The following ARID1A variants were observed in gnomAD, a reference collection of about 807,000 sequenced individuals.
The protein encoded by ARID1A is AT-rich interaction domain 1A.
In ARID1A, 20 loss-of-function variants were observed where a neutral mutation model predicts 212.6. That is an observed-to-expected ratio of 0.09 (90% CI 0.07 to 0.14). The LOEUF is 0.14. Ranked by LOEUF, ARID1A falls within the 10% of genes least tolerant of loss-of-function variation. ARID1A has a pLI of 1.00. For missense variants in ARID1A, 2,587 were observed against 3,059.0 expected (o/e 0.85, Z 3.64); for synonymous variants, 1,376 against 1,222.1 (o/e 1.13, Z -2.63).
At chr1:26,702,473 C>T (rs1035084363) in intron 1 of ARID1A, among the ~76,000 whole-genome samples, 4 of 152,204 alleles carry the variant, frequency 2.6e-5, no homozygotes, top group Non-Finnish European at 4.4e-5. Flanking sequence ...CTTGACACAG[C>T]ATCTTCTATC....
chr1:26,745,280 T>C lies in ARID1A; in HGVS notation c.1920+12488T>C, dbSNP rs1432895292. Among the ~76,000 whole-genome samples the C allele has an allele frequency of 5.3e-5, 8 of 152,260 alleles. No homozygotes were observed. The East Asian group carries it at 1.5e-3, about 29-fold the overall frequency. On this transcript the variant is annotated intron_variant, in intron 4 of 19. Transcript: ENST00000324856. ...CCCTAAACCTGTGGTCCAGAATCAG[T>C]AAACTGGAATCAAGAAGCAGTAGCT... is the stretch of plus-strand genomic sequence containing the variant.
chr1:26,707,930 CT>C (rs1173157593), intron 1 of ARID1A, among the ~76,000 whole-genome samples: 5 of 152,150 alleles, frequency 3.3e-5, no homozygotes, highest in African/African-American at 1.2e-4. Context: ...AACTTTGCTT[CT>C]CCAAAATAAA....
intron 4 of ARID1A, among the ~76,000 whole-genome samples, chr1:26,748,522 C>T (rs540984782): frequency 7.2e-5 from 11 of 152,040 alleles, no homozygotes; most frequent in African/African-American, 2.7e-4. Flanking sequence ...AGTGCTCTTA[C>T]TTCCTGCTGG....
chr1:26,724,438 T>A (rs1032272226), intron 1 of ARID1A, among the ~76,000 whole-genome samples: 1 of 152,220 alleles, frequency 6.6e-6, no homozygotes, highest in Non-Finnish European at 1.5e-5. Flanking sequence ...AATAAAATTA[T>A]GAAGTTTCTC....
At chr1:26,757,570 A>G (rs1319713601) in intron 4 of ARID1A, among the ~76,000 whole-genome samples, 1 of 152,148 alleles carries the variant, frequency 6.6e-6, no homozygotes, top group African/African-American at 2.4e-5. Context: ...GCTGTGGGGA[A>G]CTTTGGTGTC....
intron 1 of ARID1A, among the ~76,000 whole-genome samples, chr1:26,706,245 C>G (rs1219472187): frequency 1.3e-5 from 2 of 152,180 alleles, no homozygotes; most frequent in African/African-American, 2.4e-5. Flanking sequence ...TTCCTCCTCC[C>G]TTGGCACTGG....
intron 4 of ARID1A, among the ~76,000 whole-genome samples, chr1:26,745,419 A>G (rs560199445): frequency 6.6e-6 from 1 of 152,354 alleles, no homozygotes; most frequent in South Asian, 2.1e-4. Context: ...TAATCTCATG[A>G]GTCAGCTTCT....
chr1:26,698,632 A>G (rs974615753), intron 1 of ARID1A, among the ~76,000 whole-genome samples: 2 of 152,224 alleles, frequency 1.3e-5, no homozygotes, highest in Admixed American at 1.3e-4. Flanking sequence ...TCAGAACAGT[A>G]GCTGAGTTTT....
At chr1:26,760,589 T>C (rs1243984735) in intron 4 of ARID1A, among the ~76,000 whole-genome samples, 1 of 151,856 alleles carries the variant, frequency 6.6e-6, no homozygotes, top group South Asian at 2.1e-4. Context: ...CTCGGGAGGC[T>C]GAGGCAGGAG....
At position 26,780,626 on chromosome 1, in the gene ARID1A, A is replaced by G. The variant is rs770921107; in HGVS notation, c.6728A>G (p.Lys2243Arg). 7 of 1,613,244 alleles carry G rather than the reference A, an allele frequency of 4.3e-6. No individual in the cohort carries two copies. The highest frequency in any genetic ancestry group is 1.7e-5 in the Admixed American group (1 of 60,030). Residue 2243 changes from lysine to arginine, a missense_variant, in exon 20 of 20, where the codon AAG (lysine) becomes AGG (arginine). Around this residue, in one of 11 missense-constraint regions of ARID1A, gnomAD observed 16 missense variants for 33.2 expected, o/e 0.48. Coordinates refer to ENST00000324856, the MANE Select transcript of ARID1A (RefSeq NM_006015.6). The surrounding 1 kb of genome is among the most constrained non-coding windows in gnomAD (Gnocchi z 7.2). ...RAARALLALA[K>R]VDENHSEFTL... Reference sequence around the variant, plus strand: ...GCCCGCGCGCTGCTTGCCTTGGCCAAGGTGGACGAGAACCACTCAGAGTTT... The same window carrying G: ...GCCCGCGCGCTGCTTGCCTTGGCCAGGGTGGACGAGAACCACTCAGAGTTT...
In ARID1A at chr1:26,763,029, G is replaced by A. The variant is rs1557609316; in HGVS notation, c.2476G>A (p.Ala826Thr). ...NALPNANYPS[A>T]GMAGGINPMG... Reference sequence around the variant, plus strand: ...CTTGCCCAATGCCAACTACCCCAGTGCAGGCATGGCTGGAGGCATAAACCC... The same window carrying A: ...CTTGCCCAATGCCAACTACCCCAGTACAGGCATGGCTGGAGGCATAAACCC... Residue 826 changes from alanine (A) to threonine (T), a missense_variant, in exon 8 of 20, where the codon GCA (alanine) becomes ACA (threonine). Physicochemically the swap from Ala to Thr is moderately conservative, Grantham distance 58. Around this residue, in one of 11 missense-constraint regions of ARID1A, gnomAD observed 674 missense variants for 813.4 expected, o/e 0.83. Coordinates refer to ENST00000324856, the MANE Select transcript of ARID1A (RefSeq NM_006015.6). The A allele has an allele frequency of 6.2e-7, 1 of 1,613,156 alleles. No individual in the cohort carries two copies. The highest frequency in any genetic ancestry group is 8.5e-7 in the Non-Finnish European group (1 of 1,179,180).
intron 1 of ARID1A, among the ~76,000 whole-genome samples, chr1:26,707,188 C>T (rs1414068632): frequency 6.7e-6 from 1 of 149,862 alleles, no homozygotes; most frequent in Non-Finnish European, 1.5e-5. Context: ...CATGCGCCAC[C>T]GCGGCTGGCT....
chr1:26,737,081 G>A (rs1318038200), intron 4 of ARID1A, among the ~76,000 whole-genome samples: 1 of 152,004 alleles, frequency 6.6e-6, no homozygotes, highest in Non-Finnish European at 1.5e-5. Flanking sequence ...ATTTGACAGA[G>A]CATTTTGCCA....
chr1:26,696,388 C>T lies in ARID1A; in HGVS notation c.-16C>T. ...AGACAGGGCCGGGTCTCTCCGCGGACGAGACAGCGGGGATCATGGCCGCGC... is the reference window on the plus strand; with the variant it reads ...AGACAGGGCCGGGTCTCTCCGCGGATGAGACAGCGGGGATCATGGCCGCGC... On this transcript the variant is annotated 5_prime_UTR_variant, in exon 1 of 20. It adds an upstream start codon to the 5' untranslated region. Transcript: ENST00000324856. 8.0e-7 allele frequency: 1 copy of T among 1,251,728 alleles called. No homozygotes were observed. Among genetic ancestry groups the T allele is most frequent in the Non-Finnish European group, 1.0e-6 (1 of 999,814 alleles). 77.5% of individuals were successfully genotyped at this position (1,251,728 alleles called of 1,614,324 possible). A position where few individuals can be genotyped will look rare whatever the true frequency, so the allele number is the denominator to read the frequency against.
intron 4 of ARID1A, among the ~76,000 whole-genome samples, chr1:26,756,598 A>G (rs2080940073): frequency 6.6e-6 from 1 of 151,834 alleles, no homozygotes; most frequent in Admixed American, 6.6e-5. Context: ...ACACACAAAA[A>G]AAAACCCACA....
Position 26,762,249 on chromosome 1 carries a change from A to G in ARID1A, c.2349A>G (p.Thr783=), listed in dbSNP as rs1570603744. ...AGCCTTCCGGAGGACAGATACACAC[A>G]GGCATGGGCTCCTACCAGCAGAACT... is the stretch of plus-strand genomic sequence containing the variant. ...PRQPSGGQIH[T]GMGSYQQNSM... is the part of the protein sequence containing the mutation. The change falls in exon 7 of 20, where the codon ACA becomes ACG. Residue 783 remains threonine, a synonymous_variant. Coordinates refer to ENST00000324856, the MANE Select transcript of ARID1A (RefSeq NM_006015.6). 1.2e-6 allele frequency: 2 copies of G among 1,614,184 alleles called. No homozygotes were observed. The highest frequency in any genetic ancestry group is 1.7e-6 in the Non-Finnish European group (2 of 1,180,024).
intron 4 of ARID1A, among the ~76,000 whole-genome samples, chr1:26,747,061 CAAAA>C (rs905779721): frequency 6.6e-6 from 1 of 151,656 alleles, no homozygotes; most frequent in Non-Finnish European, 1.5e-5. Flanking sequence ...AACAAACAAA[CAAAA>C]AAAACAACAC....
At position 26,761,486 on chromosome 1, in the gene ARID1A, G is replaced by A. The variant is rs765549941; in HGVS notation, c.2251+13G>A. On this transcript the variant is annotated intron_variant, in intron 6 of 19. Coordinates refer to ENST00000324856, the MANE Select transcript of ARID1A (RefSeq NM_006015.6). ...GCCCAAGATCGAGGTGAGAGCCTGG[G>A]TGTTGGGGAGGGGCAGGGAGCTAGG... The A allele has an allele frequency of 1.2e-5, 19 of 1,613,844 alleles. No individual in the cohort carries two copies. The East Asian group carries it at 2.7e-4, about 23-fold the overall frequency.
At position 26,771,959 on chromosome 1, in the gene ARID1A, A is replaced by G. The variant is rs908895870; in HGVS notation, c.3407-541A>G. The G allele has an allele frequency of 1.2e-5, 2 of 162,418 alleles. No homozygotes were observed. The highest frequency in any genetic ancestry group is 4.8e-5 in the African/African-American group (2 of 41,522). The allele number at this position is 162,418 out of a possible 1,614,324, so 10.1% of individuals were successfully genotyped here. A position where few individuals can be genotyped will look rare whatever the true frequency, so the allele number is the denominator to read the frequency against. ...GCTGGGGAGGCCTCAGCAGTGGGAT[A>G]TCTACTGCTGGGAATGGTAACTATT... On this transcript the variant is annotated intron_variant, in intron 12 of 19. Coordinates refer to ENST00000324856, the MANE Select transcript of ARID1A (RefSeq NM_006015.6). The surrounding 1 kb of genome is among the most constrained non-coding windows in gnomAD (Gnocchi z 5.4).
Sources: gnomAD v4.1 joint callset for allele counts (sites outside exome capture counted in the v4.1 genomes callset) on GRCh38, gnomAD v4.1.1 for gene constraint, gnomAD v4.1.1 regional missense constraint, Gnocchi (gnomAD v3.1) non-coding constraint, MANE v1.5 for transcripts, NCBI Gene and HGNC (gene_info 2026-07-23, HGNC 2026-07-21) for gene names.